ACOX2: variants seen among roughly 807,000 people sequenced by gnomAD.
The protein encoded by ACOX2 is acyl-CoA oxidase 2.
Under a neutral mutation model 77.5 loss-of-function variants are expected in ACOX2, and 59 were observed. That is an observed-to-expected ratio of 0.76 (90% CI 0.62 to 0.95). The LOEUF (loss-of-function observed/expected upper bound fraction) is 0.95, where lower values mean the gene tolerates loss of function less well. Among genes scored for constraint, ACOX2 ranks in the 40% least tolerant of loss-of-function variants. ACOX2 has a pLI of 0.00. For synonymous variants in ACOX2, 317 were observed against 340.1 expected, an observed-to-expected ratio of 0.93 and a Z score of 0.75; for missense variants, 837 against 880.4, an observed-to-expected ratio of 0.95 and a Z score of 0.62.
At chr3:58,527,933 C>T (rs528501338) in intron 9 of ACOX2, among the ~76,000 whole-genome samples, 92 of 151,356 alleles carry the variant, frequency 6.1e-4, no homozygotes, top group African/African-American at 2.2e-3. Context: ...TCTTGAACTC[C>T]TGGGCTCAAG....
intron 13 of ACOX2, among the ~76,000 whole-genome samples, chr3:58,513,724 G>A (rs1029988377): frequency 1.3e-5 from 2 of 151,618 alleles, no homozygotes; most frequent in Non-Finnish European, 2.9e-5. Flanking sequence ...CATCTTTTAT[G>A]TTAGGGGCAT....
chr3:58,522,524 G>A lies in ACOX2; in HGVS notation c.1604C>T (p.Thr535Ile). 1 of 1,614,174 alleles carries A rather than the reference G, an allele frequency of 6.2e-7. No individual in the cohort carries two copies. Among genetic ancestry groups the A allele is most frequent in the East Asian group, 2.2e-5 (1 of 44,878 alleles). The change falls in exon 12 of 15, where the codon ACC becomes ATC. Residue 535 changes from threonine to isoleucine, a missense_variant. Physicochemically the swap from Thr to Ile is moderately conservative, Grantham distance 89. Coordinates refer to ENST00000302819, the MANE Select transcript of ACOX2 (RefSeq NM_003500.4). This position sits in a 1 kb window ranked among gnomAD's most constrained non-coding sequence, Gnocchi z 4.3. ...GADQHEAWNQ[T>I]TVIHLQAAKV... ...AGCAGCCTGGAGGTGTATGACAGTG[G>A]TCTGGTTCCAAGCCTCGTGCTGGTC...
chr3:58,511,112 A>G, intron 13 of ACOX2: 1 of 454,986 alleles, frequency 2.2e-6, no homozygotes, highest in Non-Finnish European at 4.4e-6. Flanking sequence ...GCATTTATAC[A>G]TACAATGCTT....
chr3:58,522,178 T>A lies in ACOX2; in HGVS notation c.1632+318A>T, dbSNP rs2063363208. Among the ~76,000 whole-genome samples, 1 of 152,224 alleles carries A rather than the reference T, an allele frequency of 6.6e-6. No individual in the cohort carries two copies. The highest frequency in any genetic ancestry group is 1.9e-4 in the East Asian group (1 of 5,198). On this transcript the variant is annotated intron_variant, in intron 12 of 14. Transcript: ENST00000302819. The surrounding 1 kb of genome is among the most constrained non-coding windows in gnomAD (Gnocchi z 4.3). ...AAACACAAAACGAGTGGAAATGGAA[T>A]CAGACATCCAAGGATTGCCTGTGGG...
intron 13 of ACOX2, among the ~76,000 whole-genome samples, chr3:58,510,658 AAAAAAATATATATATATATATATATAT>A (rs2063274359): frequency 4.0e-5 from 1 of 25,316 alleles, no homozygotes; most frequent in Non-Finnish European, 7.0e-5. Context: ...AAAAAAAAAA[AAAAAAATATATATATATATATATATAT>A]ATATATATAT....
Position 58,533,939 on chromosome 3 carries a change from C to T in ACOX2, c.475+55G>A. On this transcript the variant is annotated intron_variant, in intron 4 of 14. Transcript: ENST00000302819. This position sits in a 1 kb window ranked among gnomAD's most constrained non-coding sequence, Gnocchi z 5.6. The stretch of plus-strand genomic sequence containing the variant: ...ATGACTACCTAGATGTAAATGGGCC[C>T]TCTGGAGTTTTGCAGTGCACAACCT... The T allele has an allele frequency of 6.2e-7, 1 of 1,600,204 alleles. No individual in the cohort carries two copies. Among genetic ancestry groups the T allele is most frequent in the Non-Finnish European group, 8.5e-7 (1 of 1,170,584 alleles).
At chr3:58,530,385 C>T in intron 8 of ACOX2, 81 bp downstream of exon 8, 2 of 1,547,860 alleles carry the variant, frequency 1.3e-6, no homozygotes, top group Non-Finnish European at 1.8e-6. Context: ...CTGGCTCTGG[C>T]AGAAGGGTGG....
rs1488969353 is a variant in ACOX2, at chr3:58,523,348, T to C, written c.1527-747A>G. 1.3e-5 allele frequency among the ~76,000 whole-genome samples: 2 copies of C among 152,180 alleles called. No homozygotes were observed. The highest frequency in any genetic ancestry group is 2.9e-5 in the Non-Finnish European group (2 of 68,036). The stretch of plus-strand genomic sequence containing the variant: ...ATCTTCCCCTCCTCAAATCTCCCAA[T>C]TGAAATGTTAGCTCTATGAGTTTGG... On this transcript the variant is annotated intron_variant, in intron 11 of 14. Coordinates refer to ENST00000302819, the MANE Select transcript of ACOX2 (RefSeq NM_003500.4). This position sits in a 1 kb window ranked among gnomAD's most constrained non-coding sequence, Gnocchi z 5.3.
chr3:58,520,162 G>A (rs539093217), intron 12 of ACOX2, among the ~76,000 whole-genome samples: 2 of 152,326 alleles, frequency 1.3e-5, no homozygotes, highest in South Asian at 2.1e-4. Flanking sequence ...GCCTCTCTAA[G>A]TTTTACTTAT....
In ACOX2 at chr3:58,528,818, G is replaced by T. The variant is rs768025958; in HGVS notation, c.1131C>A (p.Asn377Lys). The change falls in exon 9 of 15, where the codon AAC (asparagine) becomes AAA (lysine). Residue 377 changes from asparagine to lysine, a missense_variant. Physicochemically the swap from Asn to Lys is moderately conservative, Grantham distance 94. Transcript: ENST00000302819. The surrounding 1 kb of genome is among the most constrained non-coding windows in gnomAD (Gnocchi z 5.6). ...CCTCAGGCAGGAAGCTGAAGTCTTG[G>T]TTCAGAATGGCAGTGTAGGAGTGCT... is the stretch of plus-strand genomic sequence containing the variant. ...FFQHSYTAILNQDFSFLPELH... is the reference protein window; with the variant it reads ...FFQHSYTAILKQDFSFLPELH... The T allele has an allele frequency of 1.2e-6, 2 of 1,611,584 alleles. No individual in the cohort carries two copies. Among genetic ancestry groups the T allele is most frequent in the East Asian group, 4.5e-5 (2 of 44,842 alleles).
rs981537887 is a variant in ACOX2 at position 58,505,443 on chromosome 3, G to A, written c.1984-157C>T. Among the ~76,000 whole-genome samples, 1 of 152,152 alleles carries A rather than the reference G, an allele frequency of 6.6e-6. No homozygotes were observed. Among genetic ancestry groups the A allele is most frequent in the Admixed American group, 6.5e-5 (1 of 15,270 alleles). ...AAGACTCATTTTGTGTGAACATATG[G>A]AGAAACATTTTTTCCAAAGGGCATC... On this transcript the variant is annotated intron_variant, in intron 14 of 14. Coordinates refer to ENST00000302819, the MANE Select transcript of ACOX2 (RefSeq NM_003500.4). The surrounding 1 kb of genome is among the most constrained non-coding windows in gnomAD (Gnocchi z 4.4).
rs543195747 is a variant in ACOX2 at position 58,526,730 on chromosome 3, A to C, written c.1156-74T>G. Reference sequence around the variant, plus strand: ...TAGGGACCAACCCTGTGCACCACTTACTGAGCATCTACTCATGCCCAGCTC... The same window carrying C: ...TAGGGACCAACCCTGTGCACCACTTCCTGAGCATCTACTCATGCCCAGCTC... On this transcript the variant is annotated intron_variant, in intron 9 of 14. Coordinates refer to ENST00000302819, the MANE Select transcript of ACOX2 (RefSeq NM_003500.4). The surrounding 1 kb of genome is among the most constrained non-coding windows in gnomAD (Gnocchi z 4.3). 6.7e-7 allele frequency: 1 copy of C among 1,486,086 alleles called. No individual in the cohort carries two copies. The highest frequency in any genetic ancestry group is 1.4e-5 in the African/African-American group (1 of 71,822). 92.1% of individuals were successfully genotyped at this position (1,486,086 alleles called of 1,614,324 possible).
rs769586511 is a variant in ACOX2 at position 58,517,335 on chromosome 3, C to T, written c.1721G>A (p.Arg574His). The T allele has an allele frequency of 1.5e-5, 24 of 1,614,148 alleles. No homozygotes were observed. The highest frequency in any genetic ancestry group is 2.7e-5 in the African/African-American group (2 of 75,028). Reference sequence around the variant, plus strand: ...ATGTATGGCATGGAGGTCACAGAGGCGCTTGAGCACCTGCTGAATCGCTGG... The same window carrying T: ...ATGTATGGCATGGAGGTCACAGAGGTGCTTGAGCACCTGCTGAATCGCTGG... ...NEPAIQQVLK[R>H]LCDLHAIHGI... Residue 574 changes from arginine (R) to histidine (H), a missense_variant, in exon 13 of 15, where the codon CGC becomes CAC. Physicochemically the swap from Arg to His is conservative, Grantham distance 29. Transcript: ENST00000302819.
intron 13 of ACOX2, among the ~76,000 whole-genome samples, chr3:58,510,322 C>A (rs1433469708): frequency 6.6e-6 from 1 of 151,842 alleles, no homozygotes; most frequent in African/African-American, 2.4e-5. Flanking sequence ...ATTCCATGTT[C>A]TATTACTCTC....
At chr3:58,520,803 G>T (rs1385399947) in intron 12 of ACOX2, among the ~76,000 whole-genome samples, 1 of 152,148 alleles carries the variant, frequency 6.6e-6, no homozygotes, top group Admixed American at 6.5e-5. Context: ...CCGCAGGCTG[G>T]CTGGCTGTCA....
Position 58,505,472 on chromosome 3 carries a change from C to T in ACOX2, c.1984-186G>A, listed in dbSNP as rs1164168391. On this transcript the variant is annotated intron_variant, in intron 14 of 14. Coordinates refer to ENST00000302819, the MANE Select transcript of ACOX2 (RefSeq NM_003500.4). This position sits in a 1 kb window ranked among gnomAD's most constrained non-coding sequence, Gnocchi z 4.4. Reference sequence around the variant, plus strand: ...AACATTTTTTCCAAAGGGCATCCTTCCTTTTCTCATGCAGATTTTAAATTG... The same window carrying T: ...AACATTTTTTCCAAAGGGCATCCTTTCTTTTCTCATGCAGATTTTAAATTG... Among the ~76,000 whole-genome samples the T allele has an allele frequency of 6.6e-6, 1 of 152,224 alleles. No individual in the cohort carries two copies. Among genetic ancestry groups the T allele is most frequent in the Non-Finnish European group, 1.5e-5 (1 of 68,036 alleles).
At position 58,537,147 on chromosome 3, in the gene ACOX2, T is replaced by A. The variant is rs895515133; in HGVS notation, c.-120A>T. 1 of 152,760 alleles carries A rather than the reference T, an allele frequency of 6.5e-6. No homozygotes were observed. The highest frequency in any genetic ancestry group is 1.5e-5 in the Non-Finnish European group (1 of 68,498). 9.5% of individuals were successfully genotyped at this position (152,760 alleles called of 1,614,324 possible). On this transcript the variant is annotated 5_prime_UTR_variant, in exon 1 of 15. Transcript: ENST00000302819. ...GCTCCCCTCTGTCCTGTGTCCGCACTGTAGGCCGGGCTGGCCTCTCCCCGG... is the reference window on the plus strand; with the variant it reads ...GCTCCCCTCTGTCCTGTGTCCGCACAGTAGGCCGGGCTGGCCTCTCCCCGG...
chr3:58,510,934 C>A (rs1560210097), intron 13 of ACOX2: 1 of 455,870 alleles, frequency 2.2e-6, no homozygotes, highest in South Asian at 1.6e-5. Context: ...TATATTTACT[C>A]ATTGTTCATT....
intron 14 of ACOX2, among the ~76,000 whole-genome samples, chr3:58,506,321 C>A (rs895707144): frequency 1.3e-5 from 2 of 152,218 alleles, no homozygotes; most frequent in African/African-American, 4.8e-5. Flanking sequence ...CAAGAAAGCA[C>A]ATCATCCTGT....
Sources: allele counts gnomAD v4.1 joint callset (sites outside exome capture counted in the v4.1 genomes callset), GRCh38; gene constraint gnomAD v4.1.1; non-coding constraint Gnocchi (gnomAD v3.1); transcripts MANE v1.5; gene names NCBI Gene and HGNC (gene_info 2026-07-23, HGNC 2026-07-21).